Variants in TNFRSF21 observed in about 807,000 individuals in gnomAD.
TNFRSF21 encodes tumor necrosis factor receptor superfamily member 21.
A neutral mutation model predicts 45.6 loss-of-function variants in TNFRSF21; 19 were observed. The observed-to-expected ratio is 0.42, with a 90% CI of 0.29 to 0.61. The LOEUF is 0.61. Ranked by LOEUF, TNFRSF21 falls within the 20% of genes least tolerant of loss-of-function variation. The probability of loss-of-function intolerance (pLI) is 0.23; values close to 1 mark genes in which losing one functional copy is unlikely to be tolerated. For synonymous variants in TNFRSF21, 314 were observed against 335.5 expected, an observed-to-expected ratio of 0.94 and a Z score of 0.70; for missense variants, 737 against 851.5, an observed-to-expected ratio of 0.87 and a Z score of 1.67.
rs1764639858 is a variant in TNFRSF21, at chr6:47,234,784, G to A, written c.1624C>T (p.Pro542Ser). ...AAGAAGCCCTTGTTCTTGTCCTGTG[G>A]GGAAGGCTCCACCGTCAGGAGAGCG... ...NSALLTVEPS[P>S]QDKNKGFFVD... The change falls in exon 5 of 6, where the codon CCA becomes TCA. Residue 542 changes from proline (P) to serine (S), a missense_variant. Coordinates refer to ENST00000296861, the MANE Select transcript of TNFRSF21 (RefSeq NM_014452.5). 9 of 1,598,844 alleles carry A rather than the reference G, an allele frequency of 5.6e-6. No homozygotes were observed. Among genetic ancestry groups the A allele is most frequent in the Non-Finnish European group, 6.8e-6 (8 of 1,174,574 alleles).
At chr6:47,287,400 A>G (rs540673186) in intron 1 of TNFRSF21, among the ~76,000 whole-genome samples, 4 of 151,810 alleles carry the variant, frequency 2.6e-5, no homozygotes, top group African/African-American at 9.7e-5. Flanking sequence ...TGACTTTTTA[A>G]CATTGGGTAT....
chr6:47,261,463 G>A (rs560649010), intron 3 of TNFRSF21, among the ~76,000 whole-genome samples: 112 of 152,278 alleles, frequency 7.4e-4, no homozygotes, highest in African/African-American at 2.5e-3. Flanking sequence ...CATCTCATTA[G>A]CTTCTGTAAC....
intron 1 of TNFRSF21, among the ~76,000 whole-genome samples, chr6:47,288,847 AAAC>A (rs1219916575): frequency 6.6e-6 from 1 of 152,194 alleles, no homozygotes; most frequent in African/African-American, 2.4e-5. Flanking sequence ...AATGTGCTTT[AAAC>A]AACAGAGTTG....
chr6:47,275,421 G>A (rs753909155), intron 3 of TNFRSF21, among the ~76,000 whole-genome samples: 3 of 152,070 alleles, frequency 2.0e-5, no homozygotes, highest in Admixed American at 6.5e-5. Context: ...ACCAAACACC[G>A]CATGTTCTCA....
intron 3 of TNFRSF21, among the ~76,000 whole-genome samples, chr6:47,282,848 A>G (rs1561948599): frequency 1.3e-5 from 2 of 152,200 alleles, no homozygotes; most frequent in Non-Finnish European, 2.9e-5. Flanking sequence ...CTATGAATAT[A>G]CCATAATTTA....
At chr6:47,239,892 A>G (rs1764721055) in intron 4 of TNFRSF21, among the ~76,000 whole-genome samples, 1 of 151,908 alleles carries the variant, frequency 6.6e-6, no homozygotes, top group Admixed American at 6.6e-5. Flanking sequence ...TCCCCTTCCA[A>G]GTTACCCCCA....
At chr6:47,303,561 A>C (rs1293880691) in intron 1 of TNFRSF21, among the ~76,000 whole-genome samples, 1 of 152,148 alleles carries the variant, frequency 6.6e-6, no homozygotes, top group African/African-American at 2.4e-5. Flanking sequence ...CTGCTCACTG[A>C]TCTCACTGAG....
chr6:47,288,059 G>A (rs147812624), intron 1 of TNFRSF21, among the ~76,000 whole-genome samples: 59 of 152,316 alleles, frequency 3.9e-4, no homozygotes, highest in African/African-American at 1.2e-3. Flanking sequence ...ATACACACAT[G>A]CCTAATGGAA....
chr6:47,233,051 TG>T, intron 5 of TNFRSF21, 57 bp from the exon 6 acceptor site: 5 of 1,544,212 alleles, frequency 3.2e-6, no homozygotes, highest in Non-Finnish European at 4.5e-6. Flanking sequence ...TGGCAAGGCC[TG>T]GAGGAAGGAG....
chr6:47,289,652 G>A (rs1308226713), intron 1 of TNFRSF21, among the ~76,000 whole-genome samples: 5 of 151,980 alleles, frequency 3.3e-5, no homozygotes, highest in East Asian at 1.9e-4. Flanking sequence ...TGAGCACAGC[G>A]GATGCACTGG....
intron 1 of TNFRSF21, among the ~76,000 whole-genome samples, 200 bp downstream of exon 1, chr6:47,309,216 T>C (rs1440359737): frequency 1.3e-5 from 2 of 152,178 alleles, no homozygotes; most frequent in Non-Finnish European, 2.9e-5. Context: ...CAGCCCCGGC[T>C]GAGCCCTGAG....
intron 1 of TNFRSF21, among the ~76,000 whole-genome samples, chr6:47,289,605 T>A (rs1479172903): frequency 6.6e-6 from 1 of 152,208 alleles, no homozygotes; most frequent in African/African-American, 2.4e-5. Flanking sequence ...ATTTTCTTGT[T>A]CCTTCTATTT....
intron 1 of TNFRSF21, among the ~76,000 whole-genome samples, chr6:47,295,541 A>C (rs1208456007): frequency 6.6e-6 from 1 of 152,222 alleles, no homozygotes; most frequent in East Asian, 1.9e-4. Flanking sequence ...TGAGATGGTG[A>C]ATCTAAAACA....
intron 4 of TNFRSF21, among the ~76,000 whole-genome samples, chr6:47,252,153 C>T (rs955814456): frequency 5.9e-5 from 9 of 152,056 alleles, no homozygotes; most frequent in African/African-American, 1.9e-4. Flanking sequence ...TATACTTAAA[C>T]GTAAGTATAA....
chr6:47,250,432 TAAAG>T (rs1165874509), intron 4 of TNFRSF21, among the ~76,000 whole-genome samples: 1 of 152,118 alleles, frequency 6.6e-6, no homozygotes, highest in Non-Finnish European at 1.5e-5. Flanking sequence ...ATACCTCAGA[TAAAG>T]AAAGAGTCAG....
intron 4 of TNFRSF21, among the ~76,000 whole-genome samples, chr6:47,251,994 C>T (rs1764907705): frequency 1.3e-5 from 2 of 152,146 alleles, no homozygotes; most frequent in African/African-American, 4.8e-5. Context: ...TAAAAGACCA[C>T]CTTCAAAGTC....
At chr6:47,308,796 G>A (rs1339982728) in intron 1 of TNFRSF21, among the ~76,000 whole-genome samples, 2 of 152,230 alleles carry the variant, frequency 1.3e-5, no homozygotes, top group African/African-American at 4.8e-5. Flanking sequence ...TCGGCATACA[G>A]AACCTGAGAC....
intron 3 of TNFRSF21, among the ~76,000 whole-genome samples, chr6:47,264,704 G>A (rs1013267046): frequency 1.3e-5 from 2 of 152,074 alleles, no homozygotes; most frequent in Non-Finnish European, 2.9e-5. Flanking sequence ...CAACAGTTTT[G>A]GGTGCTTTAT....
rs189579438 is a variant in TNFRSF21, at chr6:47,293,634, A to T, written c.97-7039T>A. Among the ~76,000 whole-genome samples, 114 of 152,260 alleles carry T rather than the reference A, an allele frequency of 7.5e-4. 1 individual carries two copies. The highest frequency in any genetic ancestry group is 2.0e-3 in the African/African-American group (84 of 41,558). ...GAAGCTCACTCACAAGAATCGTCAG[A>T]CCTCTGAAAGTTTAGCAACGAGTAC... On this transcript the variant is annotated intron_variant, in intron 1 of 5. Transcript: ENST00000296861.
Sources: allele counts gnomAD v4.1 joint callset (sites outside exome capture counted in the v4.1 genomes callset), GRCh38; gene constraint gnomAD v4.1.1; transcripts MANE v1.5; gene names NCBI Gene and HGNC (gene_info 2026-07-23, HGNC 2026-07-21).